Variants in NAV3 observed in about 807,000 individuals in gnomAD.
NAV3 encodes neuron navigator 3.
Under a neutral mutation model 244.7 loss-of-function variants are expected in NAV3, and 87 were observed. The ratio of observed to expected loss-of-function variants is 0.36; its 90% CI spans 0.30 to 0.42. The LOEUF (loss-of-function observed/expected upper bound fraction) is 0.42. Ranked by LOEUF, NAV3 falls within the 20% of genes least tolerant of loss-of-function variation. NAV3 has a pLI of 1.00. For missense variants in NAV3, 2,663 were observed against 2,893.3 expected, an observed-to-expected ratio of 0.92 and a Z score of 1.83; for synonymous variants, 1,126 against 1,042.2, an observed-to-expected ratio of 1.08 and a Z score of -1.55.
chr12:78,205,752 ATATC>A (rs1025180745), intron 39 of NAV3, among the ~76,000 whole-genome samples: 2 of 152,100 alleles, frequency 1.3e-5, no homozygotes, highest in Non-Finnish European at 2.9e-5. Flanking sequence ...CACTTTTTAT[ATATC>A]TATTTTTATT....
At chr12:77,573,646 A>G (rs1868938593) in intron 2 of NAV3, among the ~76,000 whole-genome samples, 1 of 152,140 alleles carries the variant, frequency 6.6e-6, no homozygotes, top group South Asian at 2.1e-4. Flanking sequence ...CAATTTAACT[A>G]CTAAGAAGCC....
rs577560478 is a variant in NAV3, at chr12:77,654,031, G to A, written c.72+81765G>A. 1.3e-4 allele frequency among the ~76,000 whole-genome samples: 20 copies of A among 152,326 alleles called. No homozygotes were observed. In the East Asian group the frequency reaches 3.9e-3, roughly 30 times the overall value. ...TACAGCTCCCAGCATGAGCCACGCAGAAGACGGGTGATTTCTGCATTTCCA... is the reference window on the plus strand; with the variant it reads ...TACAGCTCCCAGCATGAGCCACGCAAAAGACGGGTGATTTCTGCATTTCCA... On this transcript the variant is annotated intron_variant, in intron 2 of 8. Transcript: ENST00000550042.
intron 6 of NAV3, among the ~76,000 whole-genome samples, chr12:77,997,504 A>T (rs1342453302): frequency 6.6e-6 from 1 of 152,160 alleles, no homozygotes; most frequent in Non-Finnish European, 1.5e-5. Flanking sequence ...AACCACCTCT[A>T]ATTATAAGAT....
intron 2 of NAV3, among the ~76,000 whole-genome samples, chr12:77,728,092 G>A (rs1210264776): frequency 1.3e-5 from 2 of 151,758 alleles, no homozygotes; most frequent in Non-Finnish European, 2.9e-5. Context: ...AAATGGCTAC[G>A]ATTCCATCCT....
intron 3 of NAV3, among the ~76,000 whole-genome samples, chr12:77,945,330 G>A (rs747665917): frequency 6.6e-6 from 1 of 152,102 alleles, no homozygotes; most frequent in Non-Finnish European, 1.5e-5. Context: ...AAACAATAGG[G>A]ATACATTTGT....
intron 1 of NAV3, among the ~76,000 whole-genome samples, chr12:77,893,803 C>G (rs1377592489): frequency 6.6e-6 from 1 of 152,092 alleles, no homozygotes; most frequent in Non-Finnish European, 1.5e-5. Context: ...AAGGCAAGAG[C>G]CAGAGAAATA....
At chr12:77,689,775 A>C (rs1177341085) in intron 2 of NAV3, among the ~76,000 whole-genome samples, 2 of 151,908 alleles carry the variant, frequency 1.3e-5, no homozygotes, top group African/African-American at 4.8e-5. Flanking sequence ...GCAATAATTA[A>C]AATGGGAAGT....
chr12:77,581,345 G>T (rs959175380), intron 2 of NAV3, among the ~76,000 whole-genome samples: 1 of 152,046 alleles, frequency 6.6e-6, no homozygotes, highest in Non-Finnish European at 1.5e-5. Flanking sequence ...AAAAAGAAAT[G>T]ACTTTTTATA....
chr12:77,635,737 G>C (rs1221020928), intron 2 of NAV3, among the ~76,000 whole-genome samples: 2 of 152,212 alleles, frequency 1.3e-5, no homozygotes, highest in African/African-American at 4.8e-5. Context: ...TCTAGACTCT[G>C]CTATAAATAT....
chr12:77,635,238 A>G (rs921174989), intron 2 of NAV3, among the ~76,000 whole-genome samples: 3 of 151,326 alleles, frequency 2.0e-5, no homozygotes, highest in Non-Finnish European at 4.4e-5. Context: ...AAAAAAAAAA[A>G]AGAGAGAAAT....
chr12:78,142,505 A>G (rs1049817848), intron 20 of NAV3, among the ~76,000 whole-genome samples: 2 of 151,866 alleles, frequency 1.3e-5, no homozygotes, highest in Non-Finnish European at 2.9e-5. Flanking sequence ...CCTAGCAGCT[A>G]CTAGATTGGA....
At chr12:77,986,860 A>G (rs1274950695) in intron 5 of NAV3, among the ~76,000 whole-genome samples, 1 of 152,176 alleles carries the variant, frequency 6.6e-6, no homozygotes, top group African/African-American at 2.4e-5. Flanking sequence ...AGGCTACCAT[A>G]GGAATTAGTA....
intron 16 of NAV3, among the ~76,000 whole-genome samples, chr12:78,123,796 A>G (rs954015148): frequency 1.3e-5 from 2 of 152,212 alleles, no homozygotes; most frequent in Non-Finnish European, 2.9e-5. Flanking sequence ...TTGCTGTTAT[A>G]TGCTATTATA....
At chr12:77,899,404 C>T (rs576118140) in intron 1 of NAV3, among the ~76,000 whole-genome samples, 7 of 152,318 alleles carry the variant, frequency 4.6e-5, no homozygotes, top group African/African-American at 1.7e-4. Context: ...TCATCAACCA[C>T]CACCCTGATC....
chr12:77,685,622 G>C (rs1000787064), intron 2 of NAV3, among the ~76,000 whole-genome samples: 1 of 152,026 alleles, frequency 6.6e-6, no homozygotes, highest in Non-Finnish European at 1.5e-5. Context: ...TTCTTGAAAT[G>C]AATAGCCCGG....
At chr12:77,726,071 CT>C (rs36021192) in intron 2 of NAV3, among the ~76,000 whole-genome samples, 95,342 of 151,808 alleles carry the variant, frequency 0.63, 34,478 homozygotes, top group East Asian at 0.88. Context: ...GATTAGCAAT[CT>C]TAATTTTCCC....
At chr12:78,150,214 A>T (rs977741167) in intron 22 of NAV3, among the ~76,000 whole-genome samples, 7 of 152,084 alleles carry the variant, frequency 4.6e-5, no homozygotes, top group Non-Finnish European at 7.4e-5. Context: ...AGAATAATGT[A>T]AATGTCAGAA....
chr12:77,860,203 A>G (rs1428096365), intron 1 of NAV3, among the ~76,000 whole-genome samples: 4 of 151,736 alleles, frequency 2.6e-5, no homozygotes, highest in African/African-American at 9.7e-5. Context: ...AGGATACATA[A>G]GAAAATGATA....
At chr12:77,815,586 T>C (rs1048908830) in intron 2 of NAV3, among the ~76,000 whole-genome samples, 11 of 152,318 alleles carry the variant, frequency 7.2e-5, no homozygotes, top group African/African-American at 2.6e-4. Flanking sequence ...TTATCATGTG[T>C]ATCATCTCCA....
Sources: allele counts gnomAD v4.1 joint callset (sites outside exome capture counted in the v4.1 genomes callset), GRCh38; gene constraint gnomAD v4.1.1; transcripts MANE v1.5; gene names NCBI Gene and HGNC (gene_info 2026-07-23, HGNC 2026-07-21).